EXOC2: variants seen among roughly 807,000 people sequenced by gnomAD.
The protein encoded by EXOC2 is SEC5-like 1.
Under a neutral mutation model 131.8 loss-of-function variants are expected in EXOC2, and 70 were observed. The observed-to-expected ratio is 0.53, with a 90% CI of 0.44 to 0.65. The LOEUF (loss-of-function observed/expected upper bound fraction) is 0.65. Among genes scored for constraint, EXOC2 ranks in the 30% least tolerant of loss-of-function variants. The probability of loss-of-function intolerance (pLI) is 0.00; values close to 1 mark genes in which losing one functional copy is unlikely to be tolerated. For missense variants in EXOC2, 923 were observed against 1,108.6 expected (o/e 0.83, Z 2.38); for synonymous variants, 411 against 398.4 (o/e 1.03, Z -0.38).
chr6:592,088 C>T (rs552240702), intron 11 of EXOC2, among the ~76,000 whole-genome samples: 14 of 152,152 alleles, frequency 9.2e-5, no homozygotes, highest in African/African-American at 3.4e-4. Flanking sequence ...CTTCCTCTAG[C>T]GGTAACTCTG....
intron 26 of EXOC2, 47 bp from the exon 27 acceptor site, chr6:489,085 ACTG>A: frequency 6.3e-7 from 1 of 1,578,066 alleles, no homozygotes; most frequent in Admixed American, 1.7e-5. Context: ...GCACAGGAGA[ACTG>A]CTGACAAATT....
At chr6:572,407 A>G in intron 13 of EXOC2, 113 bp downstream of exon 13, 2 of 1,318,282 alleles carry the variant, frequency 1.5e-6, no homozygotes, top group Non-Finnish European at 1.0e-6. Flanking sequence ...AACTATGACG[A>G]TGGCTAGAGA....
chr6:680,151 A>G (rs1764336604), intron 1 of EXOC2, among the ~76,000 whole-genome samples: 1 of 152,140 alleles, frequency 6.6e-6, no homozygotes, highest in Admixed American at 6.5e-5. Flanking sequence ...CCCCTTCAAC[A>G]TACTTTCATG....
At chr6:516,331 C>T (rs899359271) in intron 23 of EXOC2, among the ~76,000 whole-genome samples, 6 of 152,266 alleles carry the variant, frequency 3.9e-5, no homozygotes, top group African/African-American at 1.4e-4. Context: ...CTAGGCCACG[C>T]GTACATGAAG....
At chr6:584,824 G>GT (rs1442582407) in intron 11 of EXOC2, among the ~76,000 whole-genome samples, 1 of 152,208 alleles carries the variant, frequency 6.6e-6, no homozygotes, top group African/African-American at 2.4e-5. Flanking sequence ...CTGAAAGAAG[G>GT]TAACACTTTC....
intron 12 of EXOC2, among the ~76,000 whole-genome samples, chr6:575,530 A>ATCCTCTCCCTCGCTCCC (rs1758532904): frequency 8.2e-5 from 5 of 61,134 alleles, no homozygotes; most frequent in Admixed American, 2.6e-4. Flanking sequence ...CCCTCGCTCC[A>ATCCTCTCCCTCGCTCCC]TCTCCTGCCA....
chr6:616,214 T>C (rs868125796), intron 6 of EXOC2, among the ~76,000 whole-genome samples: 3 of 152,202 alleles, frequency 2.0e-5, no homozygotes, highest in Admixed American at 2.0e-4. Flanking sequence ...AAATAAAGAA[T>C]GGCACACCAT....
intron 1 of EXOC2, among the ~76,000 whole-genome samples, chr6:643,021 T>A (rs971323721): frequency 4.0e-5 from 6 of 151,882 alleles, no homozygotes; most frequent in African/African-American, 1.5e-4. Context: ...ACAAAGCAAT[T>A]TGGTAGGAGA....
chr6:576,951 T>C (rs1276660348), intron 11 of EXOC2, 69 bp from the exon 12 acceptor site: 5 of 1,448,318 alleles, frequency 3.5e-6, no homozygotes, highest in South Asian at 1.3e-5. Flanking sequence ...GTTGATTTAA[T>C]GGTCTGCTTC....
intron 23 of EXOC2, among the ~76,000 whole-genome samples, chr6:513,499 A>G (rs1310693993): frequency 1.3e-5 from 2 of 152,224 alleles, no homozygotes; most frequent in African/African-American, 4.8e-5. Flanking sequence ...TTTCATATCC[A>G]TCATATTTAA....
chr6:553,632 T>TA (rs1008383543), intron 21 of EXOC2, among the ~76,000 whole-genome samples: 2 of 152,030 alleles, frequency 1.3e-5, no homozygotes, highest in African/African-American at 4.8e-5. Context: ...ATGCAGACAG[T>TA]ATATGGAATG....
chr6:497,277 C>T (rs561533965), intron 25 of EXOC2, 90 bp downstream of exon 25: 5 of 1,193,496 alleles, frequency 4.2e-6, no homozygotes, highest in African/African-American at 1.5e-5. Context: ...TTAAAAGAAG[C>T]CTGTCATATC....
rs1346189104 is a variant in EXOC2 at position 506,778 on chromosome 6, G to A, written c.2381-7078C>T. ...AGAACTTGTAGGCTGTTTCCTGTAA[G>A]CCAGCCGGTGTAACCCAGCATATTC... On this transcript the variant is annotated intron_variant, in intron 23 of 27. Coordinates refer to ENST00000230449, the MANE Select transcript of EXOC2 (RefSeq NM_018303.6). The surrounding 1 kb of genome is among the most constrained non-coding windows in gnomAD (Gnocchi z 4.4). Among the ~76,000 whole-genome samples the A allele has an allele frequency of 6.6e-6, 1 of 152,056 alleles. No homozygotes were observed. The highest frequency in any genetic ancestry group is 6.6e-5 in the Admixed American group (1 of 15,252).
At chr6:649,590 C>A (rs1192420279) in intron 1 of EXOC2, among the ~76,000 whole-genome samples, 1 of 152,170 alleles carries the variant, frequency 6.6e-6, no homozygotes, top group Admixed American at 6.5e-5. Flanking sequence ...TGCCTGGACC[C>A]GAATGGGGAT....
rs1380827504 is a variant in EXOC2 at position 489,001 on chromosome 6, G to C, written c.2659C>G (p.Leu887Val). 1 of 1,613,830 alleles carries C rather than the reference G, an allele frequency of 6.2e-7. No homozygotes were observed. Among genetic ancestry groups the C allele is most frequent in the Admixed American group, 1.7e-5 (1 of 59,990 alleles). Residue 887 changes from leucine (L) to valine (V), a missense_variant, in exon 27 of 28, where the codon CTT becomes GTT. Coordinates refer to ENST00000230449, the MANE Select transcript of EXOC2 (RefSeq NM_018303.6). ...FKQALEALPQ[L>V]SSGADKKLLE... ...TACTTTTTATCTGCTCCACTGGAAA[G>C]CTGGGGCAGGGCTTCCAAAGCCTGC... is the stretch of plus-strand genomic sequence containing the variant.
intron 27 of EXOC2, among the ~76,000 whole-genome samples, chr6:488,775 A>C (rs1002491774): frequency 3.9e-5 from 6 of 152,204 alleles, no homozygotes; most frequent in African/African-American, 1.4e-4. Context: ...GTCTTACCTT[A>C]TTCTGTCACT....
At chr6:691,570 A>G (rs750264675) in intron 1 of EXOC2, among the ~76,000 whole-genome samples, 4 of 152,254 alleles carry the variant, frequency 2.6e-5, no homozygotes, top group Non-Finnish European at 4.4e-5. Flanking sequence ...AGTATATAAT[A>G]CGTATAACAT....
intron 1 of EXOC2, among the ~76,000 whole-genome samples, chr6:662,667 A>C (rs1397506040): frequency 2.0e-5 from 3 of 152,200 alleles, no homozygotes; most frequent in Non-Finnish European, 1.5e-5. Flanking sequence ...TGCCATGAGG[A>C]AAGTTCATAG....
intron 1 of EXOC2, among the ~76,000 whole-genome samples, chr6:674,768 C>A (rs756441547): frequency 1.6e-4 from 25 of 152,114 alleles, no homozygotes; most frequent in African/African-American, 5.5e-4. Flanking sequence ...GATGCTTTGA[C>A]ATTTTGGAGC....
Sources: gnomAD v4.1 joint callset for allele counts (sites outside exome capture counted in the v4.1 genomes callset) on GRCh38, gnomAD v4.1.1 for gene constraint, Gnocchi (gnomAD v3.1) non-coding constraint, MANE v1.5 for transcripts, NCBI Gene and HGNC (gene_info 2026-07-23, HGNC 2026-07-21) for gene names.